The following THADA variants were observed in gnomAD, a reference collection of about 807,000 sequenced individuals.
THADA encodes THADA armadillo repeat containing, also known as tRNA (32-2'-O)-methyltransferase regulator THADA.
THADA carries 213 observed loss-of-function variants against 219.8 expected under a neutral mutation model. The ratio of observed to expected loss-of-function variants is 0.97; its 90% CI spans 0.87 to 1.09. THADA has a LOEUF of 1.09. Ranked by LOEUF, THADA falls within the 50% of genes least tolerant of loss-of-function variation. The pLI is 0.00. For synonymous variants in THADA, 1,018 were observed against 828.9 expected, an observed-to-expected ratio of 1.23 and a Z score of -3.92; for missense variants, 2,956 against 2,311.3, an observed-to-expected ratio of 1.28 and a Z score of -5.72.
intron 14 of THADA, 145 bp downstream of exon 14, chr2:43,570,243 C>A (rs1699143061): frequency 1.3e-6 from 1 of 769,326 alleles, no homozygotes; most frequent in Non-Finnish European, 2.0e-6. Context: ...TACCAAAGCA[C>A]CAGAAATAGG....
chr2:43,295,186 T>C (rs1039340166), intron 31 of THADA, among the ~76,000 whole-genome samples: 3 of 152,246 alleles, frequency 2.0e-5, no homozygotes, highest in Admixed American at 6.5e-5. Flanking sequence ...CATTCCAGCC[T>C]GGGCGACAAA....
chr2:43,590,984 A>G, intron 3 of THADA, 30 bp from the exon 4 acceptor site: 1 of 1,589,344 alleles, frequency 6.3e-7, no homozygotes, highest in Non-Finnish European at 8.6e-7. Flanking sequence ...AGTAATTTTT[A>G]TAATATCAAA....
intron 26 of THADA, among the ~76,000 whole-genome samples, chr2:43,468,640 T>C (rs1358116004): frequency 6.6e-6 from 1 of 152,142 alleles, no homozygotes; most frequent in Non-Finnish European, 1.5e-5. Flanking sequence ...CACAGCGCTT[T>C]AGGATGGGCA....
At chr2:43,595,477 G>T (rs894536809) in intron 1 of THADA, among the ~76,000 whole-genome samples, 3 of 152,208 alleles carry the variant, frequency 2.0e-5, no homozygotes, top group Admixed American at 6.5e-5. Context: ...AGGAGGATTT[G>T]CTCTTGCAAT....
intron 26 of THADA, among the ~76,000 whole-genome samples, chr2:43,443,727 C>T (rs1185991910): frequency 6.6e-6 from 1 of 152,198 alleles, no homozygotes; most frequent in Non-Finnish European, 1.5e-5. Context: ...GAGAATGAAG[C>T]AGCTTTAAAT....
intron 29 of THADA, among the ~76,000 whole-genome samples, chr2:43,353,835 T>TTTTTTTTTTTA (rs1668563772): frequency 1.3e-5 from 2 of 151,530 alleles, no homozygotes; most frequent in African/African-American, 2.4e-5. Context: ...TTTTTTTTTT[T>TTTTTTTTTTTA]GAGATGTAGT....
intron 21 of THADA, among the ~76,000 whole-genome samples, chr2:43,533,740 T>C (rs1027175527): frequency 3.3e-5 from 5 of 151,824 alleles, no homozygotes; most frequent in African/African-American, 7.3e-5. Flanking sequence ...GGGCCTGTCG[T>C]TGGGTGGAGG....
In THADA at chr2:43,294,245, T is replaced by C. The variant is rs577174599; in HGVS notation, c.4439-1032A>G. On this transcript the variant is annotated intron_variant, in intron 31 of 37. Coordinates refer to ENST00000405975, the MANE Select transcript of THADA (RefSeq NM_022065.5). ...AACCAAAAACTTATTGCCTGCTTAC[T>C]ATGTGCTAGGAGCTAAATAAGATCA... Among the ~76,000 whole-genome samples the C allele has an allele frequency of 3.0e-4, 46 of 152,372 alleles. No individual in the cohort carries two copies. In the Middle Eastern group the frequency reaches 0.01, roughly 34 times the overall value.
In THADA at chr2:43,279,879, C is replaced by T; in HGVS notation, c.5182G>A (p.Ala1728Thr). 6.5e-7 allele frequency: 1 copy of T among 1,542,094 alleles called. No homozygotes were observed. The highest frequency in any genetic ancestry group is 1.3e-5 in the South Asian group (1 of 78,084). ...AGGGTAAGGACACACTTCCAGAGAG[C>T]AAGTGTATCCTGCAACTCTAAGAAG... ...HPILELQDTL[A>T]LWKCVLTLLQ... The change falls in exon 36 of 38, where the codon GCT becomes ACT. Residue 1728 changes from alanine (A) to threonine (T), a missense_variant. Physicochemically the swap from Ala to Thr is moderately conservative, Grantham distance 58 (BLOSUM62 0). Transcript: ENST00000405975.
intron 29 of THADA, among the ~76,000 whole-genome samples, chr2:43,359,274 C>T (rs1452944786): frequency 6.6e-6 from 1 of 152,226 alleles, no homozygotes; most frequent in East Asian, 1.9e-4. Flanking sequence ...AGCCCCATTT[C>T]CTAAGAGGGC....
At chr2:43,403,741 T>C (rs1188598385) in intron 28 of THADA, among the ~76,000 whole-genome samples, 1 of 152,182 alleles carries the variant, frequency 6.6e-6, no homozygotes, top group African/African-American at 2.4e-5. Flanking sequence ...CCACTTGCTC[T>C]AGATGCCCCT....
chr2:43,511,956 C>T (rs1480156296), intron 22 of THADA, among the ~76,000 whole-genome samples: 1 of 152,140 alleles, frequency 6.6e-6, no homozygotes, highest in East Asian at 1.9e-4. Context: ...TAGGTCAAGG[C>T]CCCAGAGGCA....
Position 43,574,544 on chromosome 2 carries a change from ACT to A in THADA, c.1519_1520del (p.His508PhefsTer7). 6.2e-7 allele frequency: 1 copy of A among 1,613,896 alleles called. No homozygotes were observed. The highest frequency in any genetic ancestry group is 8.5e-7 in the Non-Finnish European group (1 of 1,179,878). On this transcript the variant is annotated frameshift_variant, in exon 11 of 38. Coordinates refer to ENST00000405975, the MANE Select transcript of THADA (RefSeq NM_022065.5). LOFTEE classifies it high-confidence loss of function. ...TCTCAGCAGTCTGGGATTTCAAATG[ACT>A]CTTATGATTTCTAAACATGGTTTCC... ...LLETMFRNHK[S>X]HLKSQTAESS...
chr2:43,508,812 T>A, intron 22 of THADA, 32 bp from the exon 23 acceptor site: 1 of 1,608,552 alleles, frequency 6.2e-7, no homozygotes, highest in Non-Finnish European at 8.5e-7. Flanking sequence ...ATATTCGGAA[T>A]TAGGTATCAA....
chr2:43,376,260 C>T (rs933178803), intron 29 of THADA, among the ~76,000 whole-genome samples: 1 of 152,226 alleles, frequency 6.6e-6, no homozygotes, highest in Non-Finnish European at 1.5e-5. Flanking sequence ...GTAATACCCT[C>T]TTTATGATTA....
At chr2:43,381,791 G>C (rs1390823462) in intron 29 of THADA, among the ~76,000 whole-genome samples, 1 of 152,016 alleles carries the variant, frequency 6.6e-6, no homozygotes, top group Non-Finnish European at 1.5e-5. Context: ...GGCCCCGTTG[G>C]CCATGCTGGT....
intron 25 of THADA, among the ~76,000 whole-genome samples, chr2:43,497,067 G>C (rs1042261289): frequency 6.6e-6 from 1 of 152,156 alleles, no homozygotes; most frequent in African/African-American, 2.4e-5. Flanking sequence ...GGAGAAATAG[G>C]AAAACTTTTA....
chr2:43,524,565 G>A (rs1466880011), intron 22 of THADA, among the ~76,000 whole-genome samples: 2 of 152,044 alleles, frequency 1.3e-5, no homozygotes, highest in Non-Finnish European at 2.9e-5. Flanking sequence ...TAACTTAAGG[G>A]CTTATAAAAC....
intron 24 of THADA, among the ~76,000 whole-genome samples, chr2:43,499,163 T>C (rs1201285397): frequency 2.0e-5 from 3 of 152,138 alleles, no homozygotes; most frequent in Admixed American, 1.3e-4. Context: ...AACAATGCTA[T>C]AAAAAAGTTT....
Sources: gnomAD v4.1 joint callset for allele counts (sites outside exome capture counted in the v4.1 genomes callset) on GRCh38, gnomAD v4.1.1 for gene constraint, MANE v1.5 for transcripts, NCBI Gene and HGNC (gene_info 2026-07-23, HGNC 2026-07-21) for gene names.